Variants in RBFOX1 observed in about 807,000 individuals in gnomAD.
RBFOX1 encodes the protein RNA binding fox-1 homolog 1.
In RBFOX1, 8 loss-of-function variants were observed where a neutral mutation model predicts 57.7. That is an observed-to-expected ratio of 0.14 (90% CI 0.08 to 0.25). RBFOX1 has a LOEUF of 0.25. Among genes scored for constraint, RBFOX1 ranks in the 10% least tolerant of loss-of-function variants. The probability of loss-of-function intolerance (pLI) is 1.00; values close to 1 mark genes in which losing one functional copy is unlikely to be tolerated. For missense variants in RBFOX1, 611 were observed against 548.5 expected, an observed-to-expected ratio of 1.11 and a Z score of -1.14; for synonymous variants, 326 against 222.4, an observed-to-expected ratio of 1.47 and a Z score of -4.15.
At chr16:6,617,643 G>A (rs2098163253) in intron 2 of RBFOX1, among the ~76,000 whole-genome samples, 1 of 152,126 alleles carries the variant, frequency 6.6e-6, no homozygotes, top group African/African-American at 2.4e-5. Context: ...CCAGGTGTCA[G>A]AGCCCATCAC....
At chr16:6,793,268 G>T (rs2083318183) in intron 3 of RBFOX1, among the ~76,000 whole-genome samples, 1 of 152,108 alleles carries the variant, frequency 6.6e-6, no homozygotes, top group African/African-American at 2.4e-5. Flanking sequence ...GGAGAAATGT[G>T]GTCCCCCTGT....
At chr16:6,243,947 T>A (rs1168414847) in intron 1 of RBFOX1, among the ~76,000 whole-genome samples, 3 of 152,186 alleles carry the variant, frequency 2.0e-5, no homozygotes, top group Non-Finnish European at 4.4e-5. Context: ...AATGTTTAGT[T>A]GTATAAGCCA....
intron 3 of RBFOX1, among the ~76,000 whole-genome samples, chr16:5,731,539 C>A (rs12927948): frequency 2.0e-5 from 3 of 151,922 alleles, no homozygotes; most frequent in Admixed American, 2.0e-4. Flanking sequence ...TGTCTGAGTC[C>A]AAAGTAAAGG....
At chr16:7,398,418 G>A (rs1457071138) in intron 4 of RBFOX1, among the ~76,000 whole-genome samples, 1 of 152,212 alleles carries the variant, frequency 6.6e-6, no homozygotes, top group South Asian at 2.1e-4. Flanking sequence ...AATGTCTACA[G>A]TGTTAAAGAA....
At chr16:5,978,791 TG>T (rs2060118858) in intron 4 of RBFOX1, among the ~76,000 whole-genome samples, 1 of 151,938 alleles carries the variant, frequency 6.6e-6, no homozygotes, top group Non-Finnish European at 1.5e-5. Context: ...ATGATTAGCC[TG>T]GGGTTTGGAG....
At chr16:6,235,138 A>T (rs186431539) in intron 1 of RBFOX1, among the ~76,000 whole-genome samples, 2 of 152,070 alleles carry the variant, frequency 1.3e-5, no homozygotes, top group Admixed American at 6.6e-5. Flanking sequence ...TTTTGACTCA[A>T]TTATTGGCCT....
chr16:6,576,776 C>T (rs1030672243), intron 2 of RBFOX1: 1 of 152,148 alleles, frequency 6.6e-6, no homozygotes, highest in African/African-American at 2.4e-5. Context: ...AAGGAAGTTC[C>T]CACAATCCTG....
chr16:5,750,010 G>A (rs1216479803), intron 3 of RBFOX1, among the ~76,000 whole-genome samples: 2 of 152,050 alleles, frequency 1.3e-5, no homozygotes, highest in East Asian at 3.9e-4. Flanking sequence ...TGTACCTTTG[G>A]TCTTTTATGA....
At chr16:6,779,927 TTATATATA>T (rs1418765187) in intron 3 of RBFOX1, among the ~76,000 whole-genome samples, 1 of 8,542 alleles carries the variant, frequency 1.2e-4, no homozygotes, top group Non-Finnish European at 1.8e-4. Flanking sequence ...TTATATATAT[TTATATATA>T]TTTATATATA....
intron 4 of RBFOX1, among the ~76,000 whole-genome samples, chr16:7,385,444 A>T (rs550120030): frequency 6.6e-6 from 1 of 152,304 alleles, no homozygotes; most frequent in South Asian, 2.1e-4. Context: ...AAATGATTCC[A>T]GGATGGAGAG....
intron 4 of RBFOX1, among the ~76,000 whole-genome samples, chr16:7,155,168 C>A (rs1215000102): frequency 6.6e-6 from 1 of 152,044 alleles, no homozygotes; most frequent in Non-Finnish European, 1.5e-5. Flanking sequence ...CTGAGTACTA[C>A]CACAAGATTT....
At position 7,001,530 on chromosome 16, in the gene RBFOX1, C is replaced by T. The variant is rs535251924; in HGVS notation, c.-15-50527C>T. On this transcript the variant is annotated intron_variant, in intron 3 of 15. Coordinates refer to ENST00000550418, the MANE Select transcript of RBFOX1 (RefSeq NM_018723.4). ...GGAGTACAGTTGCATGATCTCAACT[C>T]GTTGCAACCTCCGCCTCCCGGGTTC... is the stretch of plus-strand genomic sequence containing the variant. 1.1e-4 allele frequency among the ~76,000 whole-genome samples: 16 copies of T among 152,172 alleles called. No individual in the cohort carries two copies. In the South Asian group the frequency reaches 2.5e-3, roughly 24 times the overall value.
rs74006560 is a variant in RBFOX1, at chr16:6,021,092, G to A, written c.-127+1100G>A. The stretch of plus-strand genomic sequence containing the variant: ...CAGTCCGGGCAATTGGCACCCCAAA[G>A]GCGGATCTTTTCAGTTGAACTTGAA... On this transcript the variant is annotated intron_variant, in intron 1 of 15. Coordinates refer to ENST00000550418, the MANE Select transcript of RBFOX1 (RefSeq NM_018723.4). Among the ~76,000 whole-genome samples, 1,020 of 152,346 alleles carry A rather than the reference G, an allele frequency of 6.7e-3. 12 individuals carry two copies. The highest frequency in any genetic ancestry group is 0.023 in the African/African-American group (954 of 41,578).
chr16:6,638,620 A>C (rs556042379), intron 2 of RBFOX1, among the ~76,000 whole-genome samples: 1 of 152,330 alleles, frequency 6.6e-6, no homozygotes, highest in South Asian at 2.1e-4. Flanking sequence ...ACATAGATTG[A>C]ACAAATTTTT....
chr16:7,656,606 A>C (rs1161331850), intron 12 of RBFOX1, among the ~76,000 whole-genome samples: 1 of 152,198 alleles, frequency 6.6e-6, no homozygotes, highest in South Asian at 2.1e-4. Context: ...TTTTATCTCT[A>C]AATTCCTTTG....
intron 2 of RBFOX1, among the ~76,000 whole-genome samples, chr16:5,494,866 G>C (rs1193205088): frequency 1.3e-5 from 2 of 152,180 alleles, no homozygotes; most frequent in African/African-American, 4.8e-5. Flanking sequence ...ATGATCCTCA[G>C]TGGACCCCTG....
chr16:5,392,457 A>G (rs1388209338), intron 1 of RBFOX1, among the ~76,000 whole-genome samples: 2 of 151,948 alleles, frequency 1.3e-5, no homozygotes. Flanking sequence ...AATTCTAAAC[A>G]TAACATTTTA....
intron 9 of RBFOX1, among the ~76,000 whole-genome samples, chr16:7,599,502 C>T (rs1018441824): frequency 6.6e-6 from 1 of 152,118 alleles, no homozygotes; most frequent in Non-Finnish European, 1.5e-5. Context: ...ACTAGCCTTT[C>T]TGGAATATGA....
chr16:5,525,424 C>G (rs1397059234), intron 2 of RBFOX1, among the ~76,000 whole-genome samples: 2 of 150,966 alleles, frequency 1.3e-5, no homozygotes, highest in African/African-American at 4.9e-5. Context: ...AGTGGTTTAT[C>G]CAAGGTCACA....
Sources: allele counts gnomAD v4.1 joint callset (sites outside exome capture counted in the v4.1 genomes callset), GRCh38; gene constraint gnomAD v4.1.1; transcripts MANE v1.5; gene names NCBI Gene and HGNC (gene_info 2026-07-23, HGNC 2026-07-21).